CBLN2: variants seen among roughly 807,000 people sequenced by gnomAD.
The protein encoded by CBLN2 is cerebellin-2.
In CBLN2, 7 loss-of-function variants were observed where a neutral mutation model predicts 15.0. The observed-to-expected ratio is 0.47, with a 90% CI of 0.27 to 0.88. CBLN2 has a LOEUF of 0.88. Among genes scored for constraint, CBLN2 ranks in the 40% least tolerant of loss-of-function variants. The probability of loss-of-function intolerance (pLI) is 0.14; values close to 1 mark genes in which losing one functional copy is unlikely to be tolerated. For synonymous variants in CBLN2, 149 were observed against 135.2 expected (o/e 1.10, Z -0.71); for missense variants, 242 against 304.5 (o/e 0.79, Z 1.53).
intron 1 of CBLN2, among the ~76,000 whole-genome samples, chr18:72,595,249 G>C (rs1302992282): frequency 6.6e-6 from 1 of 151,778 alleles, no homozygotes; most frequent in East Asian, 1.9e-4. Context: ...TTTATTCCAA[G>C]AAATTTTTAA....
chr18:72,632,261 A>G (rs2069782202), intron 1 of CBLN2, among the ~76,000 whole-genome samples: 1 of 152,162 alleles, frequency 6.6e-6, no homozygotes, highest in African/African-American at 2.4e-5. Flanking sequence ...GAGAGATTCA[A>G]AATTTTAAAT....
chr18:72,550,707 C>CT lies in CBLN2; in HGVS notation c.16-11936dup, dbSNP rs1177034180. Among the ~76,000 whole-genome samples the CT allele has an allele frequency of 7.7e-3, 1,120 of 145,808 alleles. 7 individuals are homozygous for CT. The highest frequency in any genetic ancestry group is 0.015 in the African/African-American group (608 of 39,940). ...TATTTGAAAGAGAAATTTTCTTTTT[C>CT]TTTTTTTTTTTAATTTTGTAAATCC... On this transcript the variant is annotated intron_variant, in intron 1 of 2. Transcript: ENST00000581073.
Position 72,561,243 on chromosome 18 carries a change from CA to C in CBLN2, c.16-22472del, listed in dbSNP as rs33954304. Among the ~76,000 whole-genome samples, 5,661 of 124,938 alleles carry C rather than the reference CA, an allele frequency of 0.045. 592 individuals are homozygous for C. In the East Asian group the frequency reaches 0.5, roughly 11 times the overall value. 82.0% of individuals were successfully genotyped at this position (124,938 alleles called of 152,430 possible). ...GGAAACCAAAATAAAAACAACAACC[CA>C]AAAAAAAAAAAAAAAGATGCTTGAC... On this transcript the variant is annotated intron_variant, in intron 1 of 2. Coordinates refer to the CBLN2 transcript ENST00000581073.
intron 3 of CBLN2, among the ~76,000 whole-genome samples, chr18:72,541,140 T>C (rs944315670): frequency 2.6e-5 from 4 of 152,218 alleles, no homozygotes; most frequent in African/African-American, 9.6e-5. Context: ...ACTGCTCTTT[T>C]AAAAAATTTG....
chr18:72,577,102 T>C (rs987282640), intron 1 of CBLN2, among the ~76,000 whole-genome samples: 11 of 149,066 alleles, frequency 7.4e-5, no homozygotes, highest in Non-Finnish European at 1.6e-4. Context: ...AAAAATTATA[T>C]GTACAAAGAA....
At chr18:72,600,807 G>T (rs973739222) in intron 1 of CBLN2, among the ~76,000 whole-genome samples, 1 of 152,164 alleles carries the variant, frequency 6.6e-6, no homozygotes, top group Non-Finnish European at 1.5e-5. Flanking sequence ...TAAAGAACTG[G>T]GAACATTGAT....
intron 1 of CBLN2, among the ~76,000 whole-genome samples, chr18:72,625,588 T>C (rs2069730561): frequency 6.6e-6 from 1 of 150,396 alleles, no homozygotes; most frequent in Non-Finnish European, 1.5e-5. Context: ...AACGAATGAA[T>C]GTATAAGTAA....
chr18:72,609,269 C>A (rs1010629970), intron 1 of CBLN2, among the ~76,000 whole-genome samples: 1 of 151,988 alleles, frequency 6.6e-6, no homozygotes, highest in Non-Finnish European at 1.5e-5. Context: ...ATCCACAGTA[C>A]CTCAGATATG....
chr18:72,538,647 A>T lies in CBLN2; in HGVS notation c.477+6T>A. 1 of 1,613,350 alleles carries T rather than the reference A, an allele frequency of 6.2e-7. No individual in the cohort carries two copies. Among genetic ancestry groups the T allele is most frequent in the Non-Finnish European group, 8.5e-7 (1 of 1,179,740 alleles). Reference sequence around the variant, plus strand: ...CCTGAAAGGATCCAGTTTCAAATCTACCCACCTGGATGGTTTGTCTGTTAT... The same window carrying T: ...CCTGAAAGGATCCAGTTTCAAATCTTCCCACCTGGATGGTTTGTCTGTTAT... On this transcript the variant is annotated splice_donor_region_variant and intron_variant, in intron 4 of 4. Transcript: ENST00000269503.
chr18:72,617,616 T>C (rs186719692), intron 1 of CBLN2, among the ~76,000 whole-genome samples: 1 of 152,316 alleles, frequency 6.6e-6, no homozygotes, highest in East Asian at 1.9e-4. Flanking sequence ...TTTTACATGA[T>C]ATAGAAAGGT....
chr18:72,615,244 A>T (rs1349735214), intron 1 of CBLN2, among the ~76,000 whole-genome samples: 3 of 134,426 alleles, frequency 2.2e-5, no homozygotes, highest in Non-Finnish European at 4.7e-5. Context: ...TATATATATA[A>T]ATATATATTT....
At chr18:72,561,108 C>A (rs2069258145) in intron 1 of CBLN2, among the ~76,000 whole-genome samples, 1 of 151,410 alleles carries the variant, frequency 6.6e-6, no homozygotes, top group Non-Finnish European at 1.5e-5. Flanking sequence ...ATATAGATAG[C>A]TGTGATAAAA....
intron 1 of CBLN2, among the ~76,000 whole-genome samples, chr18:72,621,014 G>A (rs905223157): frequency 6.6e-6 from 1 of 152,144 alleles, no homozygotes; most frequent in Admixed American, 6.5e-5. Context: ...AAGTTGGTAT[G>A]GGTAAAATAT....
chr18:72,606,219 A>T (rs776650992), intron 1 of CBLN2, among the ~76,000 whole-genome samples: 42 of 152,250 alleles, frequency 2.8e-4, no homozygotes, highest in Middle Eastern at 3.4e-3. Flanking sequence ...CAACTGCAAC[A>T]CTTTTATCTG....
chr18:72,543,342 G>C lies in CBLN2; in HGVS notation c.-167+144C>G, dbSNP rs1389753385. Reference sequence around the variant, plus strand: ...AGAAGTTGGCTCTTGATAAATATCCGCTGTCCGCAGCCCCGATCCTACATG... The same window carrying C: ...AGAAGTTGGCTCTTGATAAATATCCCCTGTCCGCAGCCCCGATCCTACATG... On this transcript the variant is annotated intron_variant, in intron 2 of 4. Coordinates refer to ENST00000269503, the MANE Select transcript of CBLN2 (RefSeq NM_182511.4). The surrounding 1 kb of genome is among the most constrained non-coding windows in gnomAD (Gnocchi z 6.8). 1 of 389,112 alleles carries C rather than the reference G, an allele frequency of 2.6e-6. No individual in the cohort carries two copies. The highest frequency in any genetic ancestry group is 4.5e-5 in the Admixed American group (1 of 22,380). 24.1% of individuals were successfully genotyped at this position (389,112 alleles called of 1,614,324 possible).
At position 72,541,872 on chromosome 18, in the gene CBLN2, C is replaced by A; in HGVS notation, c.289G>T (p.Ala97Ser). 1 of 1,604,498 alleles carries A rather than the reference C, an allele frequency of 6.2e-7. No homozygotes were observed. The highest frequency in any genetic ancestry group is 8.5e-7 in the Non-Finnish European group (1 of 1,177,472). Residue 97 changes from alanine (A) to serine (S), a missense_variant, in exon 3 of 5, where the codon GCC (alanine) becomes TCC (serine). Transcript: ENST00000269503. ...RSGSAKVAFSATRSTNHEPSE... is the reference protein window; with the variant it reads ...RSGSAKVAFSSTRSTNHEPSE... ...GGCTCGTGGTTGGTGCTCCGCGTGGCGGAGAAGGCCACCTTGGCGCTGCCG... is the reference window on the plus strand; with the variant it reads ...GGCTCGTGGTTGGTGCTCCGCGTGGAGGAGAAGGCCACCTTGGCGCTGCCG...
Position 72,543,551 on chromosome 18 carries a change from G to T in CBLN2, c.-211-21C>A. On this transcript the variant is annotated intron_variant, in intron 1 of 4. Coordinates refer to ENST00000269503, the MANE Select transcript of CBLN2 (RefSeq NM_182511.4). This position sits in a 1 kb window ranked among gnomAD's most constrained non-coding sequence, Gnocchi z 6.8. ...TTGCTCTGCTTAGAGAAAATGAGGCGAGTGGGAGCTGTCGGGAGGAGGACA... is the reference window on the plus strand; with the variant it reads ...TTGCTCTGCTTAGAGAAAATGAGGCTAGTGGGAGCTGTCGGGAGGAGGACA... The T allele has an allele frequency of 2.5e-6, 1 of 397,962 alleles. No individual in the cohort carries two copies. 24.7% of individuals were successfully genotyped at this position (397,962 alleles called of 1,614,324 possible).
chr18:72,541,172 T>C (rs1015946131), intron 3 of CBLN2, among the ~76,000 whole-genome samples: 1 of 152,224 alleles, frequency 6.6e-6, no homozygotes, highest in African/African-American at 2.4e-5. Context: ...TGTTCATGTA[T>C]ACATTATATA....
chr18:72,546,254 G>A (rs1162072144), upstream of CBLN2, among the ~76,000 whole-genome samples: 1 of 152,070 alleles, frequency 6.6e-6, no homozygotes, highest in Non-Finnish European at 1.5e-5. Context: ...TGGCTAACAC[G>A]GTGAAACCTT....
Sources: gnomAD v4.1 joint callset for allele counts (sites outside exome capture counted in the v4.1 genomes callset) on GRCh38, gnomAD v4.1.1 for gene constraint, Gnocchi (gnomAD v3.1) non-coding constraint, MANE v1.5 for transcripts, NCBI Gene and HGNC (gene_info 2026-07-23, HGNC 2026-07-21) for gene names.